The following LRRFIP1 variants were observed in gnomAD, a reference collection of about 807,000 sequenced individuals.
The protein encoded by LRRFIP1 is leucine-rich repeat flightless-interacting protein 1.
In LRRFIP1, 62 loss-of-function variants were observed where a neutral mutation model predicts 104.4. That is an observed-to-expected ratio of 0.59 (90% CI 0.48 to 0.73). The LOEUF (loss-of-function observed/expected upper bound fraction) is 0.73, where lower values mean the gene tolerates loss of function less well. Ranked by LOEUF, LRRFIP1 falls within the 30% of genes least tolerant of loss-of-function variation. The probability of loss-of-function intolerance (pLI) is 0.00; values close to 1 mark genes in which losing one functional copy is unlikely to be tolerated. For missense variants in LRRFIP1, 796 were observed against 824.5 expected (o/e 0.97, Z 0.42); for synonymous variants, 300 against 299.0 (o/e 1.00, Z -0.03).
At chr2:237,779,395 A>T (rs1158939423) in intron 23 of LRRFIP1, 27 bp from the exon 24 acceptor site, 1 of 1,609,710 alleles carries the variant, frequency 6.2e-7, no homozygotes, top group Admixed American at 1.7e-5. Context: ...AGTTCCTTAA[A>T]GCTCACTGCC....
At chr2:237,773,064 A>G in intron 22 of LRRFIP1, 119 bp downstream of exon 22, 2 of 722,864 alleles carry the variant, frequency 2.8e-6, no homozygotes, top group South Asian at 3.5e-5. Context: ...GAAATGTCCT[A>G]AGAGGGATAA....
At chr2:237,727,175 A>C (rs557706003) in intron 7 of LRRFIP1, among the ~76,000 whole-genome samples, 2 of 151,972 alleles carry the variant, frequency 1.3e-5, no homozygotes, top group African/African-American at 4.8e-5. Context: ...GACCAACATG[A>C]TGAAACCCCG....
intron 1 of LRRFIP1, among the ~76,000 whole-genome samples, chr2:237,639,836 T>A (rs1268592235): frequency 6.6e-6 from 1 of 152,158 alleles, no homozygotes; most frequent in African/African-American, 2.4e-5. Context: ...GTCCTATGCA[T>A]TATAGGATTT....
chr2:237,632,446 G>A (rs2082519643), intron 1 of LRRFIP1, among the ~76,000 whole-genome samples: 1 of 152,192 alleles, frequency 6.6e-6, no homozygotes, highest in Admixed American at 6.5e-5. Flanking sequence ...TCATGCCCCT[G>A]CTGGGACAGG....
intron 21 of LRRFIP1, 132 bp downstream of exon 21, chr2:237,772,330 T>G (rs1160486954): frequency 2.4e-5 from 16 of 668,600 alleles, no homozygotes; most frequent in Non-Finnish European, 4.2e-5. Context: ...CCCTTAAAAA[T>G]AAAAGCACAA....
At chr2:237,733,646 G>C (rs1287780988) in intron 8 of LRRFIP1, 128 bp from the exon 9 acceptor site, 1 of 859,646 alleles carries the variant, frequency 1.2e-6, no homozygotes, top group Non-Finnish European at 1.9e-6. Flanking sequence ...CGATCGGTTT[G>C]TTTCTGTTTA....
chr2:237,763,720 G>A, intron 19 of LRRFIP1: 1 of 1,614,220 alleles, frequency 6.2e-7, no homozygotes, highest in Non-Finnish European at 8.5e-7. Flanking sequence ...CAGCTGAGGA[G>A]GTACTAGCTG....
chr2:237,756,039 T>G (rs2059232180), intron 15 of LRRFIP1, 56 bp from the exon 16 acceptor site: 1 of 1,179,520 alleles, frequency 8.5e-7, no homozygotes, highest in Admixed American at 1.8e-5. Flanking sequence ...GAGCCTGAAC[T>G]GGCATGCCAG....
chr2:237,635,137 A>T (rs1235995883), intron 1 of LRRFIP1, among the ~76,000 whole-genome samples: 1 of 152,178 alleles, frequency 6.6e-6, no homozygotes, highest in African/African-American at 2.4e-5. Flanking sequence ...TAGCTTTCGG[A>T]GCAAGAATGC....
chr2:237,627,796 G>A (rs1214964624), intron 1 of LRRFIP1, 56 bp downstream of exon 1: 6 of 1,063,776 alleles, frequency 5.6e-6, no homozygotes, highest in Non-Finnish European at 7.1e-6. Context: ...GGGCCGGACG[G>A]CTGTCAGGGT....
In LRRFIP1 at chr2:237,747,187, G is replaced by C. The variant is rs549752185; in HGVS notation, c.634-1177G>C. On this transcript the variant is annotated intron_variant, in intron 11 of 23. Coordinates refer to ENST00000308482, the MANE Select transcript of LRRFIP1 (RefSeq NM_001137550.2). The stretch of plus-strand genomic sequence containing the variant: ...TGGTCTTGGATTTTGCTTTCTTTTG[G>C]ATTAACCGAGTATTTTGTGGGATTC... Among the ~76,000 whole-genome samples, 3 of 152,302 alleles carry C rather than the reference G, an allele frequency of 2.0e-5. No individual in the cohort carries two copies. The South Asian group carries it at 6.2e-4, about 32-fold the overall frequency.
chr2:237,751,313 C>T, intron 14 of LRRFIP1, 42 bp downstream of exon 14: 3 of 1,419,736 alleles, frequency 2.1e-6, no homozygotes, highest in Non-Finnish European at 2.9e-6. Context: ...ATTAACCCAA[C>T]TTAACTTAAA....
intron 1 of LRRFIP1, among the ~76,000 whole-genome samples, chr2:237,642,007 A>G (rs1392540207): frequency 2.6e-5 from 4 of 152,086 alleles, no homozygotes; most frequent in Non-Finnish European, 4.4e-5. Flanking sequence ...CACCCATGAG[A>G]GAATCTTTGG....
Position 237,628,484 on chromosome 2 carries a change from A to G in LRRFIP1, c.96+744A>G, listed in dbSNP as rs547498517. Among the ~76,000 whole-genome samples the G allele has an allele frequency of 2.3e-4, 35 of 152,200 alleles. No individual in the cohort carries two copies. The East Asian group carries it at 6.4e-3, about 28-fold the overall frequency. On this transcript the variant is annotated intron_variant, in intron 1 of 23. Transcript: ENST00000308482. ...ATTCTACCTTAAGGCTAAAGAATGTACATGACATCCAGAAAGCCGTACAGG... is the reference window on the plus strand; with the variant it reads ...ATTCTACCTTAAGGCTAAAGAATGTGCATGACATCCAGAAAGCCGTACAGG...
chr2:237,749,305 C>T lies in LRRFIP1; in HGVS notation c.776C>T (p.Ala259Val), dbSNP rs746209932. ...ACCTCCATCTCCATCGACACCGAGG[C>T]ATCCATCAGGGAAATCAAGGTGAGA... ...GDTSISIDTEASIREIKELNE... is the reference protein window; with the variant it reads ...GDTSISIDTEVSIREIKELNE... The change falls in exon 13 of 24, where the codon GCA becomes GTA. Residue 259 changes from alanine to valine, a missense_variant. Coordinates refer to ENST00000308482, the MANE Select transcript of LRRFIP1 (RefSeq NM_001137550.2). 4 of 1,613,606 alleles carry T rather than the reference C, an allele frequency of 2.5e-6. No individual in the cohort carries two copies. In the Admixed American group the frequency reaches 6.7e-5, roughly 27 times the overall value.
At chr2:237,631,805 G>C (rs1032842763) in intron 1 of LRRFIP1, among the ~76,000 whole-genome samples, 1 of 152,226 alleles carries the variant, frequency 6.6e-6, no homozygotes, top group Non-Finnish European at 1.5e-5. Context: ...TGCGCAGGCT[G>C]CATTAGGAAC....
chr2:237,672,489 G>A (rs758482452), intron 1 of LRRFIP1, among the ~76,000 whole-genome samples: 15 of 152,172 alleles, frequency 9.9e-5, no homozygotes, highest in Non-Finnish European at 1.8e-4. Context: ...TTGCAAGAGA[G>A]TCAGAGTTTT....
At chr2:237,757,634 C>G in intron 17 of LRRFIP1, 86 bp downstream of exon 17, 1 of 967,602 alleles carries the variant, frequency 1.0e-6, no homozygotes, top group Non-Finnish European at 1.6e-6. Context: ...GTTTGCAAAA[C>G]CGCTTGTCTG....
intron 8 of LRRFIP1, 40 bp downstream of exon 8, chr2:237,727,975 G>A (rs776064941): frequency 1.4e-6 from 2 of 1,459,950 alleles, no homozygotes; most frequent in South Asian, 1.2e-5. Flanking sequence ...ATTCAAATAG[G>A]TTGTTTCAAA....
Sources: gnomAD v4.1 joint callset for allele counts (sites outside exome capture counted in the v4.1 genomes callset) on GRCh38, gnomAD v4.1.1 for gene constraint, MANE v1.5 for transcripts, NCBI Gene and HGNC (gene_info 2026-07-23, HGNC 2026-07-21) for gene names.